Variants in WWOX observed in about 807,000 individuals in gnomAD.
WWOX encodes WW domain-containing oxidoreductase.
WWOX carries 69 observed loss-of-function variants against 46.2 expected under a neutral mutation model. The observed-to-expected ratio is 1.49, with a 90% confidence interval of 1.23 to 1.82. The LOEUF is 1.82. Among genes scored for constraint, WWOX ranks in the 40% most tolerant of loss-of-function variants. WWOX has a pLI of 0.00. For synonymous variants in WWOX, 359 were observed against 202.6 expected (o/e 1.77, Z -6.56); for missense variants, 919 against 542.6 (o/e 1.69, Z -6.89).
intron 8 of WWOX, among the ~76,000 whole-genome samples, chr16:78,475,266 TCTC>T (rs1260654251): frequency 2.6e-5 from 4 of 152,182 alleles, no homozygotes; most frequent in African/African-American, 9.7e-5. Context: ...ATCTTTATCT[TCTC>T]CTCCCTGTGT....
intron 8 of WWOX, among the ~76,000 whole-genome samples, chr16:78,629,943 C>G (rs2550609): frequency 0.45 from 68,023 of 151,954 alleles, 16,887 homozygotes; most frequent in Middle Eastern, 0.59. Flanking sequence ...ATTATCCAAA[C>G]TCAGTTAATT....
At chr16:78,734,254 G>A (rs13330392) in intron 8 of WWOX, among the ~76,000 whole-genome samples, 40,955 of 151,806 alleles carry the variant, frequency 0.27, 8,083 homozygotes, top group African/African-American at 0.56. Context: ...TTTTATAAGT[G>A]CAAGGATTGC....
chr16:78,325,581 A>C (rs921993983), intron 5 of WWOX, among the ~76,000 whole-genome samples: 1 of 152,190 alleles, frequency 6.6e-6, no homozygotes, highest in African/African-American at 2.4e-5. Context: ...CTGTAAGAGA[A>C]TGTTTTTCAA....
chr16:78,801,343 C>T (rs922875860), intron 8 of WWOX, among the ~76,000 whole-genome samples: 1 of 152,116 alleles, frequency 6.6e-6, no homozygotes, highest in Admixed American at 6.5e-5. Flanking sequence ...AATCCCATCT[C>T]TACTAAAAAT....
At chr16:79,139,165 A>G (rs978517909) in intron 8 of WWOX, among the ~76,000 whole-genome samples, 6 of 152,198 alleles carry the variant, frequency 3.9e-5, no homozygotes, top group Non-Finnish European at 8.8e-5. Context: ...TCAAAATAAT[A>G]ATAATCATAC....
intron 8 of WWOX, among the ~76,000 whole-genome samples, chr16:78,982,214 G>C (rs544613950): frequency 4.6e-5 from 7 of 152,156 alleles, no homozygotes; most frequent in Non-Finnish European, 1.0e-4. Flanking sequence ...CTAAGAAATA[G>C]GAACATGAAT....
At chr16:79,165,269 T>C (rs1205369850) in intron 8 of WWOX, among the ~76,000 whole-genome samples, 2 of 152,106 alleles carry the variant, frequency 1.3e-5, no homozygotes, top group Non-Finnish European at 2.9e-5. Flanking sequence ...GACCTTGCCA[T>C]TGCGGAGGTC....
rs987697488 is a variant in WWOX at position 78,902,502 on chromosome 16, A to G, written c.1057-309106A>G. 2.0e-5 allele frequency among the ~76,000 whole-genome samples: 3 copies of G among 152,354 alleles called. No individual in the cohort carries two copies. In the East Asian group the frequency reaches 5.8e-4, roughly 29 times the overall value. ...GTTAAGGCATTTCACAATGTCAGGCATCTTGTTAGACTGCGGCTTTCCAGG... is the reference window on the plus strand; with the variant it reads ...GTTAAGGCATTTCACAATGTCAGGCGTCTTGTTAGACTGCGGCTTTCCAGG... On this transcript the variant is annotated intron_variant, in intron 8 of 8. Coordinates refer to ENST00000566780, the MANE Select transcript of WWOX (RefSeq NM_016373.4).
intron 5 of WWOX, among the ~76,000 whole-genome samples, chr16:78,248,184 C>G (rs1040041507): frequency 2.6e-5 from 4 of 152,092 alleles, no homozygotes; most frequent in African/African-American, 9.7e-5. Flanking sequence ...AAGCATGATG[C>G]TAGCATCTGC....
chr16:78,911,761 G>T lies in WWOX; in HGVS notation c.1057-299847G>T, dbSNP rs141234346. On this transcript the variant is annotated intron_variant, in intron 8 of 8. Coordinates refer to ENST00000566780, the MANE Select transcript of WWOX (RefSeq NM_016373.4). ...CGTACCTGTAATCTCAGCTACTCAGGAGGCTGAGGCAGGAGAATCACTTGA... is the reference window on the plus strand; with the variant it reads ...CGTACCTGTAATCTCAGCTACTCAGTAGGCTGAGGCAGGAGAATCACTTGA... Among the ~76,000 whole-genome samples, 187 of 152,160 alleles carry T rather than the reference G, an allele frequency of 1.2e-3. 1 individual carries two copies. The highest frequency in any genetic ancestry group is 4.1e-3 in the African/African-American group (169 of 41,574).
rs760145329 is a variant in WWOX, at chr16:78,225,284, G to A, written c.516+60995G>A. On this transcript the variant is annotated intron_variant, in intron 5 of 8. Transcript: ENST00000566780. ...TCTAAACACACCTAAACATAGAAAA[G>A]GTACAGTGAAAATATGGTATTATAA... is the stretch of plus-strand genomic sequence containing the variant. Among the ~76,000 whole-genome samples the A allele has an allele frequency of 3.3e-5, 5 of 152,074 alleles. No individual in the cohort carries two copies. In the East Asian group the frequency reaches 9.6e-4, roughly 29 times the overall value.
chr16:78,735,767 G>A (rs1016315139), intron 8 of WWOX, among the ~76,000 whole-genome samples: 1 of 152,176 alleles, frequency 6.6e-6, no homozygotes. Flanking sequence ...GTTGTTGACT[G>A]AAGGCCCCTG....
At chr16:79,176,931 C>G (rs1048322565) in intron 8 of WWOX, among the ~76,000 whole-genome samples, 15 of 152,144 alleles carry the variant, frequency 9.9e-5, no homozygotes, top group African/African-American at 3.6e-4. Context: ...GAAATGCACC[C>G]TTTCCCTCTC....
chr16:78,877,078 C>G (rs182590214), intron 8 of WWOX, among the ~76,000 whole-genome samples: 6 of 152,294 alleles, frequency 3.9e-5, no homozygotes, highest in African/African-American at 1.4e-4. Context: ...CTTACAAGCC[C>G]TGCCAGGTCA....
chr16:78,386,245 G>A (rs1029600121), intron 5 of WWOX, among the ~76,000 whole-genome samples: 1 of 152,162 alleles, frequency 6.6e-6, no homozygotes, highest in Non-Finnish European at 1.5e-5. Flanking sequence ...TAAGTACACA[G>A]TAGCCATTAT....
At chr16:78,850,379 G>T (rs991718229) in intron 8 of WWOX, among the ~76,000 whole-genome samples, 1 of 152,042 alleles carries the variant, frequency 6.6e-6, no homozygotes, top group African/African-American at 2.4e-5. Flanking sequence ...TATAGCACAA[G>T]TGTCTTCCCC....
chr16:78,537,524 C>G (rs2043788192), intron 8 of WWOX, among the ~76,000 whole-genome samples: 1 of 152,158 alleles, frequency 6.6e-6, no homozygotes, highest in South Asian at 2.1e-4. Context: ...TTTACCTCTT[C>G]TCTTGTGTCT....
At chr16:78,643,607 T>C (rs1480230160) in intron 8 of WWOX, among the ~76,000 whole-genome samples, 1 of 152,202 alleles carries the variant, frequency 6.6e-6, no homozygotes, top group Non-Finnish European at 1.5e-5. Flanking sequence ...AGCCACGCGC[T>C]GAATCTGCTT....
chr16:78,368,030 T>A (rs561593210), intron 5 of WWOX, among the ~76,000 whole-genome samples: 1 of 152,326 alleles, frequency 6.6e-6, no homozygotes, highest in African/African-American at 2.4e-5. Context: ...GTGCTGGGAT[T>A]ACAGGTGTGA....
Sources: gnomAD v4.1 joint callset for allele counts (sites outside exome capture counted in the v4.1 genomes callset) on GRCh38, gnomAD v4.1.1 for gene constraint, MANE v1.5 for transcripts, NCBI Gene and HGNC (gene_info 2026-07-23, HGNC 2026-07-21) for gene names.